ZNF718: variants seen among roughly 807,000 people sequenced by gnomAD.
ZNF718 encodes the protein zinc finger protein 718.
A neutral mutation model predicts 2.6 loss-of-function variants in ZNF718; 3 were observed. The ratio of observed to expected loss-of-function variants is 1.16; its 90% CI spans 0.53 to 3.01. ZNF718 has a LOEUF of 3.01. Ranked by LOEUF, ZNF718 falls within the 30% of genes most tolerant of loss-of-function variation. The pLI is 0.03. For missense variants in ZNF718, 468 were observed against 230.0 expected, an observed-to-expected ratio of 2.03 and a Z score of -6.69; for synonymous variants, 135 against 77.9, an observed-to-expected ratio of 1.73 and a Z score of -3.86.
In ZNF718 at chr4:191,832, G is replaced by A. The variant is rs80019132; in HGVS notation, c.227-9249G>A. 2.3e-3 allele frequency among the ~76,000 whole-genome samples: 348 copies of A among 152,268 alleles called. 13 individuals are homozygous for A. The East Asian group carries it at 0.057, about 25-fold the overall frequency. On this transcript the variant is annotated intron_variant and NMD_transcript_variant, in intron 3 of 4. Coordinates refer to the ZNF718 transcript ENST00000642529. Reference sequence around the variant, plus strand: ...GGCTGCTCCCAAGATGGGGCGGGCCGCTCCCAAGATGGTGGCAAGACTTTT... The same window carrying A: ...GGCTGCTCCCAAGATGGGGCGGGCCACTCCCAAGATGGTGGCAAGACTTTT...
Position 161,809 on chromosome 4 carries a change from C to G in ZNF718, c.1124C>G (p.Ala375Gly), listed in dbSNP as rs782304618. ...TACACATGTGAAGAATGTGGAAAAGCCTTTAATTGGTCCTCAACCCTTAAT... is the reference window on the plus strand; with the variant it reads ...TACACATGTGAAGAATGTGGAAAAGGCTTTAATTGGTCCTCAACCCTTAAT... ...KPYTCEECGK[A>G]FNWSSTLNVH... The change falls in exon 4 of 4, where the codon GCC becomes GGC. Residue 375 changes from alanine (A) to glycine (G), a missense_variant. Transcript: ENST00000510175. 1 of 780,838 alleles carries G rather than the reference C, an allele frequency of 1.3e-6. No homozygotes were observed. The highest frequency in any genetic ancestry group is 2.4e-6 in the Non-Finnish European group (1 of 418,026). The allele number at this position is 780,838 out of a possible 1,614,324, so 48.4% of individuals were successfully genotyped here.
intron 3 of ZNF718, among the ~76,000 whole-genome samples, chr4:170,505 C>T (rs1038608549): frequency 2.0e-5 from 3 of 152,176 alleles, no homozygotes; most frequent in African/African-American, 7.2e-5. Context: ...TAGATTTGGT[C>T]TTTTCACATA....
rs782450285 is a variant in ZNF718 at position 161,949 on chromosome 4, C to A, written c.1264C>A (p.Pro422Thr). The A allele has an allele frequency of 7.7e-6, 6 of 779,916 alleles. 1 individual carries two copies. The South Asian group carries it at 8.1e-5, about 10-fold the overall frequency. 48.3% of individuals were successfully genotyped at this position (779,916 alleles called of 1,614,324 possible). A position where few individuals can be genotyped will look rare whatever the true frequency, so the allele number is the denominator to read the frequency against. The change falls in exon 4 of 4, where the codon CCC (proline) becomes ACC (threonine). Residue 422 changes from proline to threonine, a missense_variant. By Grantham distance (38) the Pro-to-Thr change is conservative (BLOSUM62 -1). Coordinates refer to ENST00000510175, the MANE Select transcript of ZNF718 (RefSeq NM_001039127.6). ...TAAGAAAATTCATACTGGAGAGAAA[C>A]CCTACATATGTAAACAATGTGGCAA... ...NHKKIHTGEKPYICKQCGKAF... is the reference protein window; with the variant it reads ...NHKKIHTGEKTYICKQCGKAF...
In ZNF718 at chr4:162,170, A is replaced by G; in HGVS notation, c.*48A>G. ...TTTAAGTCTTCCTCAGTCTTTTCTA[A>G]TCATAATTCATACTGGAGAGAAACT... On this transcript the variant is annotated 3_prime_UTR_variant, in exon 4 of 4. Coordinates refer to ENST00000510175, the MANE Select transcript of ZNF718 (RefSeq NM_001039127.6). 1 of 641,414 alleles carries G rather than the reference A, an allele frequency of 1.6e-6. No homozygotes were observed. Among genetic ancestry groups the G allele is most frequent in the Non-Finnish European group, 2.8e-6 (1 of 352,026 alleles). 39.7% of individuals were successfully genotyped at this position (641,414 alleles called of 1,614,324 possible).
intron 3 of ZNF718, among the ~76,000 whole-genome samples, chr4:170,745 C>T (rs781725540): frequency 2.6e-5 from 4 of 152,000 alleles, no homozygotes; most frequent in Admixed American, 6.6e-5. Context: ...GTTAGCCATT[C>T]GTCTAATTTT....
At chr4:167,274 C>G (rs111612172), downstream of ZNF718, among the ~76,000 whole-genome samples, 1,728 of 152,154 alleles carry the variant, frequency 0.011, 18 homozygotes, top group Middle Eastern at 0.034. Context: ...TAGTTCGAAG[C>G]CAGGTAGTAT....
intron 3 of ZNF718, among the ~76,000 whole-genome samples, chr4:160,643 G>A (rs1329429150): frequency 2.0e-5 from 3 of 152,060 alleles, no homozygotes; most frequent in African/African-American, 7.2e-5. Context: ...TCTACCTCCC[G>A]GGTTCAAGGG....
At chr4:149,844 G>A (rs1034722947) in intron 3 of ZNF718, 3 of 151,980 alleles carry the variant, frequency 2.0e-5, no homozygotes, top group Non-Finnish European at 4.4e-5. Context: ...AATTTCTGAG[G>A]AATGTAACCT....
At chr4:174,211 C>A (rs1717303523) in intron 3 of ZNF718, among the ~76,000 whole-genome samples, 1 of 152,174 alleles carries the variant, frequency 6.6e-6, no homozygotes, top group African/African-American at 2.4e-5. Flanking sequence ...AGGTTTGTGT[C>A]TTTCCCTGTA....
At chr4:138,338 A>T (rs1340360001) in intron 3 of ZNF718, among the ~76,000 whole-genome samples, 7 of 152,104 alleles carry the variant, frequency 4.6e-5, no homozygotes, top group Admixed American at 4.6e-4. Context: ...GTCTCTATGA[A>T]TTAGTTTAAT....
At chr4:175,852 CTTTTT>C (rs1158577358) in intron 3 of ZNF718, among the ~76,000 whole-genome samples, 6 of 98,932 alleles carry the variant, frequency 6.1e-5, no homozygotes, top group Non-Finnish European at 9.8e-5. Context: ...GATTAACAGT[CTTTTT>C]TTTTTTTTTT....
chr4:189,356 A>T (rs1411259578), intron 3 of ZNF718, among the ~76,000 whole-genome samples: 8 of 152,164 alleles, frequency 5.3e-5, no homozygotes. Flanking sequence ...ACTGTAAAGT[A>T]TGTGTACTTG....
rs145243044 is a variant in ZNF718 at position 147,333 on chromosome 4, G to A, written c.227-13579G>A. Among the ~76,000 whole-genome samples the A allele has an allele frequency of 2.4e-3, 373 of 152,256 alleles. 2 individuals are homozygous for A. Among genetic ancestry groups the A allele is most frequent in the African/African-American group, 8.2e-3 (342 of 41,548 alleles). On this transcript the variant is annotated intron_variant, in intron 3 of 3. Coordinates refer to ENST00000510175, the MANE Select transcript of ZNF718 (RefSeq NM_001039127.6). ...CATGATCCATTAAGGATGTCCTTGCGTCTGAAGAAGCAAATGCCTCTTTCA... is the reference window on the plus strand; with the variant it reads ...CATGATCCATTAAGGATGTCCTTGCATCTGAAGAAGCAAATGCCTCTTTCA...
intron 3 of ZNF718, among the ~76,000 whole-genome samples, chr4:169,185 A>C (rs1402978777): frequency 1.3e-5 from 2 of 152,126 alleles, no homozygotes; most frequent in East Asian, 3.9e-4. Context: ...CTTAATCCTG[A>C]GTTCTAGTTT....
At chr4:138,371 G>A (rs1364546549) in intron 3 of ZNF718, among the ~76,000 whole-genome samples, 2 of 152,114 alleles carry the variant, frequency 1.3e-5, no homozygotes, top group African/African-American at 2.4e-5. Flanking sequence ...AAATGTGTGA[G>A]AACATGCAAC....
At position 124,678 on chromosome 4, in the gene ZNF718, G is replaced by C; in HGVS notation, c.3+5G>C. On this transcript the variant is annotated splice_donor_5th_base_variant and intron_variant, in intron 1 of 3. Coordinates refer to ENST00000510175, the MANE Select transcript of ZNF718 (RefSeq NM_001039127.6). ...CACTCCTGAAGTCGGGAAATGGTGA[G>C]TGTGCAGGGCAGGGCGTCCCAAGGC... 1.9e-6 allele frequency: 3 copies of C among 1,609,502 alleles called. No individual in the cohort carries two copies. The African/African-American group carries it at 4.0e-5, about 21-fold the overall frequency.
chr4:148,145 C>A (rs1402132422), intron 3 of ZNF718, among the ~76,000 whole-genome samples: 1 of 152,180 alleles, frequency 6.6e-6, no homozygotes, highest in Non-Finnish European at 1.5e-5. Context: ...CTCCCAGACT[C>A]TAGCGGACAG....
At chr4:171,739 T>C (rs1717238273) in intron 3 of ZNF718, among the ~76,000 whole-genome samples, 1 of 152,208 alleles carries the variant, frequency 6.6e-6, no homozygotes, top group African/African-American at 2.4e-5. Flanking sequence ...AGGTGCCGTC[T>C]GTCATCCCTT....
chr4:184,667 T>G (rs1234709991), intron 3 of ZNF718, among the ~76,000 whole-genome samples: 1 of 152,172 alleles, frequency 6.6e-6, no homozygotes, highest in Non-Finnish European at 1.5e-5. Flanking sequence ...CAGTAGACTC[T>G]CTATTACTGT....
Sources: gnomAD v4.1 joint callset for allele counts (sites outside exome capture counted in the v4.1 genomes callset) on GRCh38, gnomAD v4.1.1 for gene constraint, MANE v1.5 for transcripts, NCBI Gene and HGNC (gene_info 2026-07-23, HGNC 2026-07-21) for gene names.